The following POFUT3 variants were observed in gnomAD, a reference collection of about 807,000 sequenced individuals.
The protein encoded by POFUT3 is protein O-fucosyltransferase 3, also known as GDP-fucose protein O-fucosyltransferase 3.
chr8:33,356,372 T>C, the POFUT3 span, among the ~76,000 whole-genome samples: 143 of 152,352 alleles, frequency 9.4e-4, no homozygotes, highest in African/African-American at 3.3e-3. Flanking sequence ...TTCTAACTGG[T>C]GTGAGATGGT....
the POFUT3 span, among the ~76,000 whole-genome samples, chr8:33,350,776 G>A: frequency 6.6e-6 from 1 of 152,128 alleles, no homozygotes; most frequent in Non-Finnish European, 1.5e-5. Flanking sequence ...GTGTCAGAAA[G>A]GAGAGATCAG....
chr8:33,348,891 G>A, the POFUT3 span, among the ~76,000 whole-genome samples: 1 of 152,200 alleles, frequency 6.6e-6, no homozygotes. Context: ...TATCCTAGAA[G>A]TGATGAGTGG....
chr8:33,401,586 T>C, the POFUT3 span, among the ~76,000 whole-genome samples: 2 of 152,224 alleles, frequency 1.3e-5, no homozygotes, highest in East Asian at 1.9e-4. Context: ...GTATTATCCA[T>C]GTAACTACCA....
At chr8:33,346,941 C>T in the POFUT3 span, among the ~76,000 whole-genome samples, 2 of 152,062 alleles carry the variant, frequency 1.3e-5, no homozygotes, top group South Asian at 2.1e-4. Flanking sequence ...AAGTTTTAGT[C>T]CCTGAAGGAA....
chr8:33,411,126 T>C, the POFUT3 span, among the ~76,000 whole-genome samples: 4 of 152,256 alleles, frequency 2.6e-5, no homozygotes, highest in South Asian at 4.2e-4. Context: ...CACAGAGATA[T>C]TGTTGAGTTT....
the POFUT3 span, among the ~76,000 whole-genome samples, chr8:33,364,264 A>C: frequency 8.5e-5 from 13 of 152,220 alleles, no homozygotes; most frequent in African/African-American, 3.1e-4. Flanking sequence ...TATTGATGGA[A>C]TGTATCTCAA....
At chr8:33,453,924 G>A in the POFUT3 span, among the ~76,000 whole-genome samples, 1 of 151,916 alleles carries the variant, frequency 6.6e-6, no homozygotes, top group East Asian at 1.9e-4. Flanking sequence ...CACTGCACTT[G>A]AGCCTCGGCA....
the POFUT3 span, among the ~76,000 whole-genome samples, chr8:33,417,648 A>G: frequency 3.3e-5 from 5 of 152,192 alleles, no homozygotes; most frequent in Non-Finnish European, 7.3e-5. Context: ...GGGAACAACA[A>G]GTCCAGCTTA....
chr8:33,329,315 G>A, the POFUT3 span, among the ~76,000 whole-genome samples: 1 of 152,182 alleles, frequency 6.6e-6, no homozygotes, highest in African/African-American at 2.4e-5. Context: ...AATATAACAG[G>A]ACATTTGGAG....
At chr8:33,405,944 T>C in the POFUT3 span, among the ~76,000 whole-genome samples, 20 of 152,202 alleles carry the variant, frequency 1.3e-4, no homozygotes, top group Non-Finnish European at 2.4e-4. Flanking sequence ...AAGTTCAAAC[T>C]TGGAGGGAAA....
the POFUT3 span, among the ~76,000 whole-genome samples, chr8:33,406,084 A>G: frequency 1.3e-5 from 2 of 152,316 alleles, no homozygotes; most frequent in East Asian, 3.9e-4. Flanking sequence ...GAGGAGAGAC[A>G]GATAAATATG....
the POFUT3 span, among the ~76,000 whole-genome samples, chr8:33,415,804 T>C: frequency 6.6e-6 from 1 of 152,276 alleles, no homozygotes; most frequent in Non-Finnish European, 1.5e-5. Context: ...CCCACAGAAA[T>C]GACCCGCATT....
the POFUT3 span, among the ~76,000 whole-genome samples, chr8:33,365,869 C>T: frequency 6.6e-6 from 1 of 152,192 alleles, no homozygotes; most frequent in Non-Finnish European, 1.5e-5. Flanking sequence ...GGATCCAGAA[C>T]TAGAATTGCC....
the POFUT3 span, among the ~76,000 whole-genome samples, chr8:33,338,517 A>G: frequency 5.4e-4 from 82 of 152,336 alleles, no homozygotes; most frequent in East Asian, 0.012. Flanking sequence ...AGACCACATG[A>G]AAAGTGTGGA....
At chr8:33,380,085 T>TAC in the POFUT3 span, among the ~76,000 whole-genome samples, 6 of 68,872 alleles carry the variant, frequency 8.7e-5, no homozygotes, top group East Asian at 5.2e-4. Context: ...ACACTATATA[T>TAC]ACTATATATA....
At chr8:33,335,045 G>A in the POFUT3 span, among the ~76,000 whole-genome samples, 15 of 152,178 alleles carry the variant, frequency 9.9e-5, no homozygotes, top group African/African-American at 3.4e-4. Flanking sequence ...GCTGTAAAAG[G>A]AACTTTTAAA....
the POFUT3 span, chr8:33,461,835 G>C: frequency 2.5e-6 from 1 of 392,576 alleles, no homozygotes; most frequent in Non-Finnish European, 4.7e-6. Context: ...GAAACATTGA[G>C]ATCATGTAGT....
chr8:33,456,181 C>T, the POFUT3 span, among the ~76,000 whole-genome samples: 2 of 152,048 alleles, frequency 1.3e-5, no homozygotes, highest in African/African-American at 4.8e-5. Flanking sequence ...AAATGTACAA[C>T]CAGTCACTTA....
At chr8:33,375,887 C>G in the POFUT3 span, among the ~76,000 whole-genome samples, 1 of 151,804 alleles carries the variant, frequency 6.6e-6, no homozygotes, top group African/African-American at 2.4e-5. Flanking sequence ...TGTGGTGGCG[C>G]GTGCCTGTAA....
Sources: gnomAD v4.1 joint callset for allele counts (sites outside exome capture counted in the v4.1 genomes callset) on GRCh38, gnomAD v4.1.1 for gene constraint, MANE v1.5 for transcripts, NCBI Gene and HGNC (gene_info 2026-07-23, HGNC 2026-07-21) for gene names.